FAM178B: variants seen among roughly 807,000 people sequenced by gnomAD.
FAM178B encodes the protein family with sequence similarity 178 member B.
A neutral mutation model predicts 91.7 loss-of-function variants in FAM178B; 82 were observed. The ratio of observed to expected loss-of-function variants is 0.89; its 90% CI spans 0.75 to 1.07. FAM178B has a LOEUF of 1.07. Among genes scored for constraint, FAM178B ranks in the 50% least tolerant of loss-of-function variants. The pLI, the probability that FAM178B is intolerant of heterozygous loss-of-function variation, is 0.00. For synonymous variants in FAM178B, 368 were observed against 359.4 expected, an observed-to-expected ratio of 1.02 and a Z score of -0.27; for missense variants, 769 against 846.7, an observed-to-expected ratio of 0.91 and a Z score of 1.14.
At chr2:96,945,012 C>CT (rs1197684684) in intron 8 of FAM178B, among the ~76,000 whole-genome samples, 1 of 152,164 alleles carries the variant, frequency 6.6e-6, no homozygotes, top group Non-Finnish European at 1.5e-5. Context: ...CTGATGGTCG[C>CT]TGCTCATTTA....
rs577815888 is a variant in FAM178B, at chr2:96,986,250, G to A, written c.64C>T (p.His22Tyr). 1 of 1,534,588 alleles carries A rather than the reference G, an allele frequency of 6.5e-7. No individual in the cohort carries two copies. The highest frequency in any genetic ancestry group is 2.0e-5 in the Admixed American group (1 of 51,000). The change falls in exon 1 of 17, where the codon CAT (histidine) becomes TAT (tyrosine). Residue 22 changes from histidine to tyrosine, a missense_variant. By Grantham distance (83) the His-to-Tyr change is moderately conservative (BLOSUM62 2). Coordinates refer to ENST00000490605, the MANE Select transcript of FAM178B (RefSeq NM_001122646.3). ...GCCTCAGTTTCCTTACCTGTAAAAT[G>A]GAGCCGCTGATCCTGCCTCCTGAGT... ...PQLRRQDQRL[H>Y]FTGQMSHGLQ...
intron 7 of FAM178B, chr2:96,949,899 GCA>G (rs1324671148): frequency 1.3e-4 from 107 of 832,998 alleles, no homozygotes; most frequent in Admixed American, 1.9e-4. Flanking sequence ...TGGCTCCGAG[GCA>G]CAGAGCTGAT....
chr2:96,934,939 C>G (rs1038315570), intron 8 of FAM178B, among the ~76,000 whole-genome samples: 1 of 152,214 alleles, frequency 6.6e-6, no homozygotes, highest in African/African-American at 2.4e-5. Flanking sequence ...GGCCCCTGGC[C>G]TGCTTATTCA....
chr2:96,876,268 C>T lies in FAM178B; in HGVS notation c.*8G>A. The T allele has an allele frequency of 6.2e-7, 1 of 1,608,514 alleles. No individual in the cohort carries two copies. The highest frequency in any genetic ancestry group is 8.5e-7 in the Non-Finnish European group (1 of 1,178,246). On this transcript the variant is annotated 3_prime_UTR_variant, in exon 17 of 17. Transcript: ENST00000490605. ...CCAGGAGCCCTGGGCTGCCCTGACC[C>T]TGTCCCTTTAGATGTCTTTCCAGGG...
chr2:96,885,256 A>G (rs540180123), intron 14 of FAM178B, among the ~76,000 whole-genome samples: 1 of 152,354 alleles, frequency 6.6e-6, no homozygotes, highest in East Asian at 1.9e-4. Context: ...CCTGCTGGGT[A>G]GAGAGGTGGG....
At chr2:96,961,243 C>T (rs879938536) in intron 5 of FAM178B, among the ~76,000 whole-genome samples, 2 of 152,086 alleles carry the variant, frequency 1.3e-5, no homozygotes, top group Admixed American at 1.3e-4. Context: ...CAAGAATGAG[C>T]TAAATCTACA....
At chr2:96,905,022 T>A (rs58984980) in intron 12 of FAM178B, among the ~76,000 whole-genome samples, 18,243 of 149,590 alleles carry the variant, frequency 0.12, 1,193 homozygotes, top group Middle Eastern at 0.23. Context: ...CAGCCTCCCA[T>A]AGTGCTGGGA....
At chr2:96,961,666 G>A (rs561118800) in intron 5 of FAM178B, among the ~76,000 whole-genome samples, 65 of 152,298 alleles carry the variant, frequency 4.3e-4, no homozygotes, top group African/African-American at 1.5e-3. Context: ...GCAAACCCAG[G>A]GGCAGAACAG....
At chr2:96,958,622 G>A (rs894171524) in intron 6 of FAM178B, among the ~76,000 whole-genome samples, 1 of 145,178 alleles carries the variant, frequency 6.9e-6, no homozygotes, top group Non-Finnish European at 1.5e-5. Context: ...TCAGAGGGGC[G>A]GAGGTTGCAG....
intron 8 of FAM178B, among the ~76,000 whole-genome samples, chr2:96,938,208 A>G (rs1394594729): frequency 6.6e-6 from 1 of 152,176 alleles, no homozygotes; most frequent in Non-Finnish European, 1.5e-5. Flanking sequence ...CAAAACCTGG[A>G]GCATCTCAGC....
intron 13 of FAM178B, chr2:96,894,947 G>A: frequency 2.6e-6 from 2 of 777,290 alleles, no homozygotes; most frequent in Non-Finnish European, 3.6e-6. Flanking sequence ...CTGCCGCTCT[G>A]CATCTGTGGG....
chr2:96,974,040 A>G (rs2082257626), intron 1 of FAM178B, among the ~76,000 whole-genome samples: 1 of 151,998 alleles, frequency 6.6e-6, no homozygotes, highest in African/African-American at 2.4e-5. Context: ...TAAATTTAAG[A>G]TATGAATTAT....
chr2:96,980,781 CT>C (rs201636808), intron 1 of FAM178B, among the ~76,000 whole-genome samples: 19 of 151,070 alleles, frequency 1.3e-4, no homozygotes, highest in Admixed American at 6.6e-4. Context: ...ACCTAGATAT[CT>C]TTTTTTTTCA....
At position 96,880,489 on chromosome 2, in the gene FAM178B, G is replaced by A. The variant is rs1483850910; in HGVS notation, c.1777-1996C>T. ...GGTAGCAGGAAAATGAGCTCTCTCT[G>A]GGAGAAAGGATTACAGGGTATCCCT... is the stretch of plus-strand genomic sequence containing the variant. On this transcript the variant is annotated intron_variant, in intron 14 of 16. Transcript: ENST00000490605. 2.0e-5 allele frequency among the ~76,000 whole-genome samples: 3 copies of A among 152,322 alleles called. No homozygotes were observed. The East Asian group carries it at 5.8e-4, about 29-fold the overall frequency.
At chr2:96,908,304 C>T (rs1279994229) in intron 12 of FAM178B, among the ~76,000 whole-genome samples, 1 of 152,214 alleles carries the variant, frequency 6.6e-6, no homozygotes, top group African/African-American at 2.4e-5. Flanking sequence ...TATAACCACG[C>T]ACATTGACGT....
At chr2:96,930,544 A>G (rs1574266084) in intron 8 of FAM178B, among the ~76,000 whole-genome samples, 1 of 152,324 alleles carries the variant, frequency 6.6e-6, no homozygotes, top group African/African-American at 2.4e-5. Context: ...CCGGTAGAAC[A>G]GGAGTCCCAC....
At chr2:96,910,398 C>T (rs951044481) in intron 12 of FAM178B, among the ~76,000 whole-genome samples, 3 of 152,196 alleles carry the variant, frequency 2.0e-5, no homozygotes, top group Admixed American at 6.5e-5. Flanking sequence ...AGGCTTTAAC[C>T]CCCTTCGACG....
chr2:96,927,739 G>A (rs1473575758), intron 9 of FAM178B, among the ~76,000 whole-genome samples: 1 of 152,238 alleles, frequency 6.6e-6, no homozygotes, highest in Non-Finnish European at 1.5e-5. Flanking sequence ...AGTGGGGGAA[G>A]CAGCTCTTTG....
intron 7 of FAM178B, among the ~76,000 whole-genome samples, chr2:96,950,687 T>C (rs760662039): frequency 5.6e-4 from 85 of 152,292 alleles, no homozygotes; most frequent in Non-Finnish European, 5.1e-4. Flanking sequence ...CCTGCTGGCT[T>C]CTCACTGCCT....
Sources: gnomAD v4.1 joint callset for allele counts (sites outside exome capture counted in the v4.1 genomes callset) on GRCh38, gnomAD v4.1.1 for gene constraint, MANE v1.5 for transcripts, NCBI Gene and HGNC (gene_info 2026-07-23, HGNC 2026-07-21) for gene names.